The following SLC9A9 variants were observed in gnomAD, a reference collection of about 807,000 sequenced individuals.
The protein encoded by SLC9A9 is sodium/hydrogen exchanger 9.
SLC9A9 carries 62 observed loss-of-function variants against 77.8 expected under a neutral mutation model. The ratio of observed to expected loss-of-function variants is 0.80; its 90% CI spans 0.65 to 0.98. The LOEUF (loss-of-function observed/expected upper bound fraction) is 0.98. SLC9A9 is among the 50% of genes least tolerant of loss of function. SLC9A9 has a pLI of 0.00. For missense variants in SLC9A9, 775 were observed against 774.9 expected (o/e 1.00, Z 0.00); for synonymous variants, 320 against 283.5 (o/e 1.13, Z -1.29).
At chr3:143,383,967 A>G (rs894940562) in intron 12 of SLC9A9, among the ~76,000 whole-genome samples, 1 of 152,228 alleles carries the variant, frequency 6.6e-6, no homozygotes, top group African/African-American at 2.4e-5. Context: ...TCTTCTGGAC[A>G]TGAATAGCCC....
At chr3:143,564,955 C>G (rs1435745730) in intron 8 of SLC9A9, among the ~76,000 whole-genome samples, 1 of 152,104 alleles carries the variant, frequency 6.6e-6, no homozygotes, top group African/African-American at 2.4e-5. Flanking sequence ...TTGCTTAGAT[C>G]CCTGGCATGG....
At chr3:143,712,514 C>A (rs1446939095) in intron 4 of SLC9A9, among the ~76,000 whole-genome samples, 4 of 152,186 alleles carry the variant, frequency 2.6e-5, no homozygotes, top group Admixed American at 6.5e-5. Context: ...CAAACTATTA[C>A]AATCCAGTGT....
chr3:143,389,529 T>C (rs2033505277), intron 12 of SLC9A9, among the ~76,000 whole-genome samples: 1 of 152,186 alleles, frequency 6.6e-6, no homozygotes, highest in South Asian at 2.1e-4. Flanking sequence ...AGGAGAAGCA[T>C]GTGCCTGGGA....
intron 4 of SLC9A9, among the ~76,000 whole-genome samples, chr3:143,714,994 G>A (rs1934297259): frequency 6.6e-6 from 1 of 152,152 alleles, no homozygotes. Context: ...AAAAATGTGA[G>A]TCTCCCTGCA....
At chr3:143,438,522 C>T (rs1467682983) in intron 12 of SLC9A9, among the ~76,000 whole-genome samples, 1 of 152,114 alleles carries the variant, frequency 6.6e-6, no homozygotes, top group Non-Finnish European at 1.5e-5. Context: ...AAATCTAGTC[C>T]AGTCATTCCC....
Position 143,437,630 on chromosome 3 carries a change from G to T in SLC9A9, c.1469+29407C>A, listed in dbSNP as rs79649388. On this transcript the variant is annotated intron_variant, in intron 12 of 15. Coordinates refer to ENST00000316549, the MANE Select transcript of SLC9A9 (RefSeq NM_173653.4). ...AAGTAGGTCAACTTAAATTCTATAC[G>T]CAGAGGGAGAGCTACAGTTAAATGA... Among the ~76,000 whole-genome samples, 5 of 152,324 alleles carry T rather than the reference G, an allele frequency of 3.3e-5. 1 individual carries two copies. The highest frequency in any genetic ancestry group is 1.2e-4 in the African/African-American group (5 of 41,574).
chr3:143,482,504 A>G (rs2035590069), intron 11 of SLC9A9, among the ~76,000 whole-genome samples: 2 of 152,204 alleles, frequency 1.3e-5, no homozygotes, highest in Admixed American at 1.3e-4. Context: ...GTTCGCTGAC[A>G]TATCATCTGG....
At chr3:143,558,739 T>C (rs1385518930) in intron 8 of SLC9A9, among the ~76,000 whole-genome samples, 1 of 152,190 alleles carries the variant, frequency 6.6e-6, no homozygotes, top group Non-Finnish European at 1.5e-5. Context: ...GGACTTGCCT[T>C]GTCTCAGATG....
intron 12 of SLC9A9, among the ~76,000 whole-genome samples, chr3:143,410,636 T>C (rs975637448): frequency 6.6e-6 from 1 of 152,242 alleles, no homozygotes; most frequent in Non-Finnish European, 1.5e-5. Flanking sequence ...CCCTTTATCT[T>C]AGGGCATTGC....
chr3:143,757,059 A>C (rs2006949809), intron 4 of SLC9A9, among the ~76,000 whole-genome samples: 1 of 152,206 alleles, frequency 6.6e-6, no homozygotes, highest in African/African-American at 2.4e-5. Flanking sequence ...TTCATATCAG[A>C]GTACAAGAGA....
intron 14 of SLC9A9, among the ~76,000 whole-genome samples, chr3:143,269,765 G>A (rs149838829): frequency 6.6e-6 from 1 of 152,312 alleles, no homozygotes; most frequent in East Asian, 1.9e-4. Context: ...TTCCTCTGCT[G>A]GAGAGTATTT....
chr3:143,652,146 C>T (rs1158306964), intron 6 of SLC9A9, 109 bp downstream of exon 6: 1 of 889,686 alleles, frequency 1.1e-6, no homozygotes. Context: ...ATAACAATTC[C>T]TTGAAAAAAG....
intron 6 of SLC9A9, among the ~76,000 whole-genome samples, chr3:143,586,748 A>G (rs906327562): frequency 2.0e-5 from 3 of 152,224 alleles, no homozygotes; most frequent in African/African-American, 7.2e-5. Flanking sequence ...CCAAAGGCCA[A>G]TGAAGCTCTG....
chr3:143,339,876 G>A (rs922850080), intron 14 of SLC9A9, among the ~76,000 whole-genome samples: 8 of 152,148 alleles, frequency 5.3e-5, no homozygotes, highest in African/African-American at 1.7e-4. Flanking sequence ...AACTCCTTCT[G>A]TAAAAGGATG....
chr3:143,377,703 G>A (rs1216048163), intron 13 of SLC9A9, among the ~76,000 whole-genome samples: 2 of 152,198 alleles, frequency 1.3e-5, no homozygotes, highest in African/African-American at 4.8e-5. Context: ...AGCTGGCAGG[G>A]TGGAATGGGG....
At chr3:143,773,977 A>G (rs933068669) in intron 4 of SLC9A9, among the ~76,000 whole-genome samples, 2 of 152,198 alleles carry the variant, frequency 1.3e-5, no homozygotes, top group African/African-American at 4.8e-5. Context: ...TTAATGAGTG[A>G]CTATTACAGC....
chr3:143,503,413 A>G, intron 9 of SLC9A9: 1 of 324,586 alleles, frequency 3.1e-6, no homozygotes. Context: ...AATGAGTGTC[A>G]CTGTTAAAGT....
intron 9 of SLC9A9, among the ~76,000 whole-genome samples, chr3:143,527,575 C>T: frequency 6.6e-6 from 1 of 152,230 alleles, no homozygotes; most frequent in East Asian, 1.9e-4. Context: ...TTCCCTGCTT[C>T]AGTCCATCTT....
chr3:143,798,388 C>T (rs2008450927), intron 2 of SLC9A9, among the ~76,000 whole-genome samples: 1 of 152,136 alleles, frequency 6.6e-6, no homozygotes, highest in Admixed American at 6.5e-5. Context: ...GGTCATTCAC[C>T]CACATTCCCT....
Sources: allele counts gnomAD v4.1 joint callset (sites outside exome capture counted in the v4.1 genomes callset), GRCh38; gene constraint gnomAD v4.1.1; transcripts MANE v1.5; gene names NCBI Gene and HGNC (gene_info 2026-07-23, HGNC 2026-07-21).